Variants in GPATCH2L observed in about 807,000 individuals in gnomAD.
GPATCH2L encodes the protein G-patch domain containing 2 like, also known as G patch domain-containing protein 2-like.
GPATCH2L carries 31 observed loss-of-function variants against 57.4 expected under a neutral mutation model. The ratio of observed to expected loss-of-function variants is 0.54; its 90% CI spans 0.41 to 0.73. The LOEUF (loss-of-function observed/expected upper bound fraction) is 0.73. Ranked by LOEUF, GPATCH2L falls within the 30% of genes least tolerant of loss-of-function variation. The pLI, the probability that GPATCH2L is intolerant of heterozygous loss-of-function variation, is 0.00. For missense variants in GPATCH2L, 481 were observed against 599.9 expected, an observed-to-expected ratio of 0.80 and a Z score of 2.07; for synonymous variants, 199 against 210.7, an observed-to-expected ratio of 0.94 and a Z score of 0.48.
At chr14:76,157,793 T>G (rs2038380642) in intron 2 of GPATCH2L, among the ~76,000 whole-genome samples, 1 of 152,178 alleles carries the variant, frequency 6.6e-6, no homozygotes, top group Non-Finnish European at 1.5e-5. Flanking sequence ...ATAGACTTCA[T>G]CAATATTTGT....
chr14:76,158,472 T>G (rs1171521190), intron 2 of GPATCH2L, among the ~76,000 whole-genome samples: 1 of 152,246 alleles, frequency 6.6e-6, no homozygotes, highest in East Asian at 1.9e-4. Context: ...ATGAGTGTGC[T>G]TTGCTCCAGG....
chr14:76,156,445 C>A (rs550208770), intron 2 of GPATCH2L, among the ~76,000 whole-genome samples: 2 of 152,272 alleles, frequency 1.3e-5, no homozygotes, highest in Non-Finnish European at 2.9e-5. Context: ...GAGATAGGCT[C>A]ATAATTTGAC....
chr14:76,201,482 T>C (rs2040309284), intron 9 of GPATCH2L, among the ~76,000 whole-genome samples: 1 of 152,248 alleles, frequency 6.6e-6, no homozygotes, highest in African/African-American at 2.4e-5. Context: ...GAACCCATTT[T>C]CTCAGATTAG....
At chr14:76,188,188 G>A (rs1391894675) in intron 8 of GPATCH2L, among the ~76,000 whole-genome samples, 1 of 152,102 alleles carries the variant, frequency 6.6e-6, no homozygotes, top group Non-Finnish European at 1.5e-5. Flanking sequence ...TGGGGGTGCA[G>A]ATATCTCTTT....
chr14:76,186,722 G>A (rs2039780130), intron 8 of GPATCH2L, among the ~76,000 whole-genome samples: 1 of 152,166 alleles, frequency 6.6e-6, no homozygotes. Flanking sequence ...CAGCTGGCTG[G>A]CATCTTACTG....
At position 76,180,861 on chromosome 14, in the gene GPATCH2L, T is replaced by C. The variant is rs2039534928; in HGVS notation, c.1193+12T>C. 2.6e-6 allele frequency: 4 copies of C among 1,521,926 alleles called. No individual in the cohort carries two copies. The highest frequency in any genetic ancestry group is 3.7e-6 in the Non-Finnish European group (4 of 1,095,720). 94.3% of individuals were successfully genotyped at this position (1,521,926 alleles called of 1,614,324 possible). ...CACTGCTCTGCCAGGTAATTGTCTT[T>C]TAGTAGCGGTTATTTGCTTCTGGAC... is the stretch of plus-strand genomic sequence containing the variant. On this transcript the variant is annotated intron_variant, in intron 8 of 9. Coordinates refer to ENST00000261530, the MANE Select transcript of GPATCH2L (RefSeq NM_017926.4).
At chr14:76,226,577 A>G (rs1339784083) in intron 1 of GPATCH2L, among the ~76,000 whole-genome samples, 2 of 152,188 alleles carry the variant, frequency 1.3e-5, no homozygotes, top group East Asian at 1.9e-4. Context: ...TTCATCCCCA[A>G]TGCCACCGTG....
At chr14:76,157,042 C>T (rs2038341564) in intron 2 of GPATCH2L, among the ~76,000 whole-genome samples, 1 of 152,104 alleles carries the variant, frequency 6.6e-6, no homozygotes, top group South Asian at 2.1e-4. Context: ...TTATCCTGGC[C>T]CCTCACTTCA....
chr14:76,186,541 A>G (rs938999582), intron 8 of GPATCH2L, among the ~76,000 whole-genome samples: 3 of 152,224 alleles, frequency 2.0e-5, no homozygotes, highest in Non-Finnish European at 4.4e-5. Context: ...TGTGAAGCAC[A>G]GTGTTGCTTT....
intron 6 of GPATCH2L, 157 bp from the exon 7 acceptor site, chr14:76,177,831 T>C: frequency 7.9e-6 from 8 of 1,007,986 alleles, no homozygotes; most frequent in Non-Finnish European, 1.2e-5. Flanking sequence ...TTCTCCCTTC[T>C]GTAATTTTCC....
Position 76,204,670 on chromosome 14 carries a change from T to G in GPATCH2L, c.*2819T>G, listed in dbSNP as rs1205509283. The G allele has an allele frequency of 6.6e-6, 1 of 152,226 alleles. No individual in the cohort carries two copies. The highest frequency in any genetic ancestry group is 2.4e-5 in the African/African-American group (1 of 41,452). The allele number at this position is 152,226 out of a possible 1,614,324, so 9.4% of individuals were successfully genotyped here. A position where few individuals can be genotyped will look rare whatever the true frequency, so the allele number is the denominator to read the frequency against. On this transcript the variant is annotated 3_prime_UTR_variant, in exon 10 of 10. Transcript: ENST00000261530. Reference sequence around the variant, plus strand: ...GAAAAAACTCTGAACTATGACTTACTTTGAGGATGATCCTTGAGCTCATGT... The same window carrying G: ...GAAAAAACTCTGAACTATGACTTACGTTGAGGATGATCCTTGAGCTCATGT...
At chr14:76,181,672 G>C (rs1390210996) in intron 8 of GPATCH2L, among the ~76,000 whole-genome samples, 2 of 152,184 alleles carry the variant, frequency 1.3e-5, no homozygotes, top group South Asian at 2.1e-4. Flanking sequence ...AGTCAAACGA[G>C]TGACTCCTTA....
At chr14:76,169,435 C>A (rs2038987951) in intron 3 of GPATCH2L, among the ~76,000 whole-genome samples, 2 of 152,146 alleles carry the variant, frequency 1.3e-5, no homozygotes, top group South Asian at 4.1e-4. Context: ...AACATAGATT[C>A]TCAGATTGTA....
At chr14:76,217,506 A>G (rs2040495047), downstream of GPATCH2L, among the ~76,000 whole-genome samples, 4 of 152,096 alleles carry the variant, frequency 2.6e-5, no homozygotes, top group South Asian at 8.3e-4. Context: ...GGATATAGAC[A>G]ATGGAAAGTT....
Position 76,208,893 on chromosome 14 carries a change from A to T in GPATCH2L, c.*7042A>T, listed in dbSNP as rs1427235475. 1 of 152,132 alleles carries T rather than the reference A, an allele frequency of 6.6e-6. No homozygotes were observed. Among genetic ancestry groups the T allele is most frequent in the Admixed American group, 6.5e-5 (1 of 15,272 alleles). The allele number at this position is 152,132 out of a possible 1,614,324, so 9.4% of individuals were successfully genotyped here. On this transcript the variant is annotated 3_prime_UTR_variant, in exon 10 of 10. Transcript: ENST00000261530. ...CACCTGGGAAGTTTTAAAAAGTCCT[A>T]ATTCCTGGACTGGACCACAGACCAG... is the stretch of plus-strand genomic sequence containing the variant.
At chr14:76,163,123 C>T (rs180829740) in intron 2 of GPATCH2L, among the ~76,000 whole-genome samples, 15 of 152,274 alleles carry the variant, frequency 9.9e-5, no homozygotes, top group Middle Eastern at 3.4e-3. Flanking sequence ...CTTCAGTGAA[C>T]GCATGGGCTT....
Position 76,171,832 on chromosome 14 carries a change from C to G in GPATCH2L, c.728-11C>G. ...AAAATTCTAGCTTATGATATGATGT[C>G]TTTACTTTAGGTGATGACGAACAGA... On this transcript the variant is annotated splice_polypyrimidine_tract_variant and intron_variant, in intron 3 of 9. Coordinates refer to ENST00000261530, the MANE Select transcript of GPATCH2L (RefSeq NM_017926.4). The G allele has an allele frequency of 6.6e-7, 1 of 1,518,240 alleles. No individual in the cohort carries two copies. Among genetic ancestry groups the G allele is most frequent in the Non-Finnish European group, 8.9e-7 (1 of 1,126,152 alleles). 94.0% of individuals were successfully genotyped at this position (1,518,240 alleles called of 1,614,324 possible). A position where few individuals can be genotyped will look rare whatever the true frequency, so the allele number is the denominator to read the frequency against.
chr14:76,232,969 A>G (rs1471580056), intron 2 of GPATCH2L, among the ~76,000 whole-genome samples: 1 of 152,214 alleles, frequency 6.6e-6, no homozygotes, highest in Admixed American at 6.5e-5. Flanking sequence ...TAAACTGTCC[A>G]GTGGCCAAGG....
chr14:76,197,043 C>A (rs1401307841), intron 9 of GPATCH2L, among the ~76,000 whole-genome samples: 1 of 152,300 alleles, frequency 6.6e-6, no homozygotes, highest in African/African-American at 2.4e-5. Context: ...ATCTTTGCAA[C>A]AGCCTTATAA....
Sources: allele counts gnomAD v4.1 joint callset (sites outside exome capture counted in the v4.1 genomes callset), GRCh38; gene constraint gnomAD v4.1.1; transcripts MANE v1.5; gene names NCBI Gene and HGNC (gene_info 2026-07-23, HGNC 2026-07-21).